The following DGKB variants were observed in gnomAD, a reference collection of about 807,000 sequenced individuals.
DGKB encodes 90 kDa diacylglycerol kinase.
A neutral mutation model predicts 114.3 loss-of-function variants in DGKB; 67 were observed. The observed-to-expected ratio is 0.59, with a 90% CI of 0.48 to 0.72. The LOEUF (loss-of-function observed/expected upper bound fraction) is 0.72, where lower values mean the gene tolerates loss of function less well. DGKB is among the 30% of genes least tolerant of loss of function. The pLI is 0.00. For synonymous variants in DGKB, 398 were observed against 323.1 expected, an observed-to-expected ratio of 1.23 and a Z score of -2.49; for missense variants, 907 against 975.2, an observed-to-expected ratio of 0.93 and a Z score of 0.93.
intron 16 of DGKB, among the ~76,000 whole-genome samples, chr7:14,612,951 A>G (rs1435499637): frequency 6.6e-6 from 1 of 152,162 alleles, no homozygotes; most frequent in Non-Finnish European, 1.5e-5. Context: ...TCATTATAAT[A>G]TATTTTGCCT....
At chr7:14,646,711 G>A (rs1192849528) in intron 13 of DGKB, among the ~76,000 whole-genome samples, 1 of 151,754 alleles carries the variant, frequency 6.6e-6, no homozygotes, top group Non-Finnish European at 1.5e-5. Flanking sequence ...ACAAATACAT[G>A]GAAATTAAAC....
In DGKB at chr7:14,435,191, G is replaced by T. The variant is rs546757439; in HGVS notation, c.1835+42970C>A. Among the ~76,000 whole-genome samples the T allele has an allele frequency of 2.3e-4, 35 of 152,176 alleles. No homozygotes were observed. The South Asian group carries it at 7.0e-3, about 31-fold the overall frequency. On this transcript the variant is annotated intron_variant, in intron 21 of 25. Transcript: ENST00000402815. The stretch of plus-strand genomic sequence containing the variant: ...TTTCCTACTATTTCTCCAGAAATAA[G>T]CATTGCTCTCACTTGTTTTGTTGTC...
At chr7:14,815,958 C>T (rs984864418) in intron 2 of DGKB, among the ~76,000 whole-genome samples, 7 of 152,128 alleles carry the variant, frequency 4.6e-5, no homozygotes, top group East Asian at 1.9e-4. Context: ...AAATGGCTCA[C>T]GCTGCAAGCT....
Position 14,775,633 on chromosome 7 carries a change from G to C in DGKB, c.71-17902C>G, listed in dbSNP as rs866095558. 9.9e-5 allele frequency among the ~76,000 whole-genome samples: 15 copies of C among 151,952 alleles called. No individual in the cohort carries two copies. The South Asian group carries it at 1.7e-3, about 17-fold the overall frequency. Reference sequence around the variant, plus strand: ...ATGAGACCTGGTGGTTTTATAAGGAGCTTCTTCCCAATTTCGTTCTGCATT... The same window carrying C: ...ATGAGACCTGGTGGTTTTATAAGGACCTTCTTCCCAATTTCGTTCTGCATT... On this transcript the variant is annotated intron_variant, in intron 2 of 25. Transcript: ENST00000402815.
intron 20 of DGKB, among the ~76,000 whole-genome samples, chr7:14,572,287 CAAA>C (rs11333094): frequency 7.4e-6 from 1 of 135,158 alleles, no homozygotes. Flanking sequence ...ACTAAAAATA[CAAA>C]AAAAAAAAAA....
At chr7:14,594,944 C>A (rs1205068668) in intron 17 of DGKB, among the ~76,000 whole-genome samples, 7 of 151,914 alleles carry the variant, frequency 4.6e-5, no homozygotes, top group Admixed American at 2.0e-4. Flanking sequence ...AGATAGATTC[C>A]AGAGATTCAA....
chr7:14,461,634 G>T lies in DGKB; in HGVS notation c.1835+16527C>A, dbSNP rs926816954. Among the ~76,000 whole-genome samples, 3 of 151,972 alleles carry T rather than the reference G, an allele frequency of 2.0e-5. No homozygotes were observed. The East Asian group carries it at 5.8e-4, about 29-fold the overall frequency. ...TTAATAGCCTACAAACCAAAAAAAA[G>T]CCTAGGACCAGACAGATTCACAGCC... On this transcript the variant is annotated intron_variant, in intron 21 of 25. Transcript: ENST00000402815.
intron 13 of DGKB, among the ~76,000 whole-genome samples, chr7:14,633,061 T>C (rs1427559925): frequency 6.6e-6 from 1 of 151,826 alleles, no homozygotes; most frequent in African/African-American, 2.4e-5. Flanking sequence ...TGGTATGAAA[T>C]TGAAACCTAG....
In DGKB at chr7:14,877,413, A is replaced by G. The variant is rs11981392; in HGVS notation, c.-188+25179T>C. 8.8e-3 allele frequency among the ~76,000 whole-genome samples: 1,344 copies of G among 152,114 alleles called. 25 individuals carry two copies. Among genetic ancestry groups the G allele is most frequent in the African/African-American group, 0.03 (1,265 of 41,490 alleles). ...TCTACTGAAAATAAAAAATTAGCCA[A>G]GTGTTGTGGCACATGCCTGTAATCC... On this transcript the variant is annotated intron_variant, in intron 1 of 25. Transcript: ENST00000402815.
At chr7:14,257,372 A>T (rs1334522570) in intron 23 of DGKB, among the ~76,000 whole-genome samples, 1 of 152,172 alleles carries the variant, frequency 6.6e-6, no homozygotes, top group Admixed American at 6.5e-5. Context: ...AAAGAATGCC[A>T]TTCTTTATTT....
intron 12 of DGKB, among the ~76,000 whole-genome samples, chr7:14,681,022 C>G (rs1820732408): frequency 6.6e-6 from 1 of 151,640 alleles, no homozygotes. Context: ...TAAGATATAA[C>G]CAGTGAAATA....
intron 20 of DGKB, among the ~76,000 whole-genome samples, chr7:14,552,682 A>T: frequency 6.6e-6 from 1 of 152,218 alleles, no homozygotes; most frequent in Non-Finnish European, 1.5e-5. Context: ...AGCTACCATG[A>T]ATTTGACTAC....
upstream of DGKB, among the ~76,000 whole-genome samples, chr7:14,904,439 G>T (rs1216788524): frequency 6.6e-6 from 1 of 152,032 alleles, no homozygotes; most frequent in Non-Finnish European, 1.5e-5. Context: ...TTAAACAGAG[G>T]GGGAACACGG....
chr7:14,469,682 C>G (rs536845309), intron 21 of DGKB, among the ~76,000 whole-genome samples: 1 of 151,952 alleles, frequency 6.6e-6, no homozygotes, highest in Non-Finnish European at 1.5e-5. Context: ...CTCATTTAAC[C>G]ATTCTCATTT....
intron 21 of DGKB, among the ~76,000 whole-genome samples, chr7:14,452,494 A>G (rs928670926): frequency 6.6e-6 from 1 of 152,104 alleles, no homozygotes; most frequent in Non-Finnish European, 1.5e-5. Flanking sequence ...CTCTGAAAAA[A>G]TATGTGGATA....
intron 20 of DGKB, among the ~76,000 whole-genome samples, chr7:14,567,149 A>T (rs1201243814): frequency 1.2e-4 from 12 of 99,574 alleles, no homozygotes; most frequent in South Asian, 7.8e-4. Flanking sequence ...TTATATATAT[A>T]ATATACAATT....
chr7:14,929,058 T>C (rs867979112), intron 1 of DGKB, among the ~76,000 whole-genome samples: 285 of 128,336 alleles, frequency 2.2e-3, no homozygotes, highest in African/African-American at 6.7e-3. Context: ...CACACACACA[T>C]ACATATCACA....
At chr7:14,660,193 T>C (rs1216904818) in intron 13 of DGKB, among the ~76,000 whole-genome samples, 2 of 151,952 alleles carry the variant, frequency 1.3e-5, no homozygotes, top group African/African-American at 4.8e-5. Flanking sequence ...TCTAAAATTC[T>C]CTTTTTTGGT....
intron 1 of DGKB, among the ~76,000 whole-genome samples, chr7:14,892,452 T>C (rs1013881589): frequency 1.3e-5 from 2 of 151,166 alleles, no homozygotes. Context: ...CACTGAGGGG[T>C]AGATGGTGGT....
Sources: allele counts gnomAD v4.1 joint callset (sites outside exome capture counted in the v4.1 genomes callset), GRCh38; gene constraint gnomAD v4.1.1; transcripts MANE v1.5; gene names NCBI Gene and HGNC (gene_info 2026-07-23, HGNC 2026-07-21).